MAGI2: variants seen among roughly 807,000 people sequenced by gnomAD.
MAGI2 encodes the protein membrane-associated guanylate kinase, WW and PDZ domain-containing protein 2.
A neutral mutation model predicts 133.3 loss-of-function variants in MAGI2; 35 were observed. The ratio of observed to expected loss-of-function variants is 0.26; its 90% CI spans 0.20 to 0.35. The LOEUF is 0.35. Among genes scored for constraint, MAGI2 ranks in the 10% least tolerant of loss-of-function variants. The probability of loss-of-function intolerance (pLI) is 1.00; values close to 1 mark genes in which losing one functional copy is unlikely to be tolerated. For missense variants in MAGI2, 1,636 were observed against 1,863.4 expected, an observed-to-expected ratio of 0.88 and a Z score of 2.25; for synonymous variants, 729 against 710.6, an observed-to-expected ratio of 1.03 and a Z score of -0.41.
At chr7:78,154,527 T>C (rs1000281636) in intron 16 of MAGI2, among the ~76,000 whole-genome samples, 3 of 152,350 alleles carry the variant, frequency 2.0e-5, no homozygotes, top group South Asian at 2.1e-4. Flanking sequence ...ATTGATGCTA[T>C]GACCACTGTC....
Position 78,075,149 on chromosome 7 carries a change from G to A in MAGI2, c.3706+3798C>T, listed in dbSNP as rs537243494. Among the ~76,000 whole-genome samples, 78 of 152,292 alleles carry A rather than the reference G, an allele frequency of 5.1e-4. No individual in the cohort carries two copies. The South Asian group carries it at 0.016, about 31-fold the overall frequency. The stretch of plus-strand genomic sequence containing the variant: ...CTGGGCAGAGGGTCCCTGCATCACC[G>A]GCTCTAGTGAAAACCTTGGGCACTG... On this transcript the variant is annotated intron_variant, in intron 21 of 21. Coordinates refer to ENST00000354212, the MANE Select transcript of MAGI2 (RefSeq NM_012301.4).
intron 2 of MAGI2, among the ~76,000 whole-genome samples, chr7:78,888,544 G>A (rs148178157): frequency 0.027 from 4,079 of 152,226 alleles, 77 homozygotes; most frequent in Middle Eastern, 0.051. Flanking sequence ...CCAGAGGAAC[G>A]ATCAGACAGC....
At chr7:78,943,731 G>A (rs1341176307) in intron 2 of MAGI2, among the ~76,000 whole-genome samples, 1 of 152,028 alleles carries the variant, frequency 6.6e-6, no homozygotes, top group Non-Finnish European at 1.5e-5. Flanking sequence ...GTAGCATTTT[G>A]TTGCCTCGGT....
intron 2 of MAGI2, among the ~76,000 whole-genome samples, chr7:78,678,342 C>T (rs1022061843): frequency 1.3e-5 from 2 of 152,106 alleles, no homozygotes; most frequent in Non-Finnish European, 2.9e-5. Context: ...GGCTCATCAT[C>T]CTTTAACCAG....
chr7:78,924,751 A>G (rs1465088738), intron 2 of MAGI2, among the ~76,000 whole-genome samples: 2 of 151,974 alleles, frequency 1.3e-5, no homozygotes, highest in Non-Finnish European at 2.9e-5. Flanking sequence ...ATCAGTGCCT[A>G]TTGCCCAGGA....
At chr7:78,690,309 A>G (rs1816820993) in intron 2 of MAGI2, among the ~76,000 whole-genome samples, 1 of 152,216 alleles carries the variant, frequency 6.6e-6, no homozygotes. Flanking sequence ...GTACATGTAA[A>G]TCACAGAGCA....
intron 21 of MAGI2, among the ~76,000 whole-genome samples, chr7:78,058,478 C>CTTTTTTT (rs61113351): frequency 6.8e-6 from 1 of 146,800 alleles, no homozygotes; most frequent in Non-Finnish European, 1.5e-5. Flanking sequence ...CTTAAAATTC[C>CTTTTTTT]TTTTTTTTTT....
At chr7:78,373,812 A>G (rs1448114736) in intron 6 of MAGI2, among the ~76,000 whole-genome samples, 2 of 152,080 alleles carry the variant, frequency 1.3e-5, no homozygotes, top group Non-Finnish European at 2.9e-5. Flanking sequence ...ATGAATATCC[A>G]GTGTTTAGCT....
intron 20 of MAGI2, among the ~76,000 whole-genome samples, chr7:78,100,052 T>G (rs1032507752): frequency 2.0e-5 from 3 of 152,196 alleles, no homozygotes; most frequent in African/African-American, 7.2e-5. Context: ...ACTAGAGGCC[T>G]CTAATTCACC....
chr7:78,829,580 T>C (rs559067879), intron 2 of MAGI2, among the ~76,000 whole-genome samples: 2 of 152,202 alleles, frequency 1.3e-5, no homozygotes, highest in East Asian at 3.9e-4. Flanking sequence ...CTGACACTTA[T>C]CAAAAAGCCT....
intron 3 of MAGI2, among the ~76,000 whole-genome samples, chr7:78,603,361 T>C (rs1164110304): frequency 6.6e-6 from 1 of 152,220 alleles, no homozygotes; most frequent in African/African-American, 2.4e-5. Flanking sequence ...CTCTGTTAGA[T>C]GACTATCCTG....
At chr7:78,557,324 C>G (rs1422028156) in intron 3 of MAGI2, among the ~76,000 whole-genome samples, 1 of 152,076 alleles carries the variant, frequency 6.6e-6, no homozygotes, top group Non-Finnish European at 1.5e-5. Flanking sequence ...TGGAAGCCCC[C>G]CAAAGGAGCC....
intron 1 of MAGI2, among the ~76,000 whole-genome samples, chr7:79,131,888 AT>A: frequency 6.6e-6 from 1 of 152,144 alleles, no homozygotes; most frequent in South Asian, 2.1e-4. Context: ...AAATAAAAAA[AT>A]TGATTACAGG....
At chr7:79,404,815 C>T (rs1845697196) in intron 1 of MAGI2, among the ~76,000 whole-genome samples, 1 of 152,112 alleles carries the variant, frequency 6.6e-6, no homozygotes, top group South Asian at 2.1e-4. Flanking sequence ...GTCTAATTAA[C>T]CTGGGCATTA....
chr7:78,834,417 C>A (rs1024584282), intron 2 of MAGI2, among the ~76,000 whole-genome samples: 1 of 152,284 alleles, frequency 6.6e-6, no homozygotes, highest in East Asian at 1.9e-4. Context: ...ATAGAGCTAC[C>A]TTTCCTATAA....
chr7:78,129,935 CAAAAAA>C (rs61675652), intron 18 of MAGI2, among the ~76,000 whole-genome samples: 863 of 57,160 alleles, frequency 0.015, 6 homozygotes, highest in African/African-American at 0.058. Context: ...AACTCCGCCT[CAAAAAA>C]AAAAAAAAAA....
At position 78,646,405 on chromosome 7, in the gene MAGI2, T is replaced by G. The variant is rs909781945; in HGVS notation, c.419-19166A>C. ...GCTTTAAAGCAAGAAAAAATTGTAT[T>G]TAGGAATATAGGAATTTTGTAAGTG... is the stretch of plus-strand genomic sequence containing the variant. On this transcript the variant is annotated intron_variant, in intron 2 of 21. Coordinates refer to ENST00000354212, the MANE Select transcript of MAGI2 (RefSeq NM_012301.4). Among the ~76,000 whole-genome samples, 4 of 152,132 alleles carry G rather than the reference T, an allele frequency of 2.6e-5. No homozygotes were observed. In the South Asian group the frequency reaches 8.3e-4, roughly 32 times the overall value.
intron 1 of MAGI2, among the ~76,000 whole-genome samples, chr7:79,215,746 A>G (rs1585225538): frequency 6.6e-6 from 1 of 151,942 alleles, no homozygotes; most frequent in East Asian, 1.9e-4. Flanking sequence ...TCCCCCTAAA[A>G]TGTATAAAAT....
intron 6 of MAGI2, among the ~76,000 whole-genome samples, chr7:78,448,251 T>G (rs1434853101): frequency 2.0e-5 from 3 of 152,070 alleles, no homozygotes; most frequent in African/African-American, 7.2e-5. Flanking sequence ...AATGCAAAGT[T>G]TTTTTGACAA....
Sources: gnomAD v4.1 joint callset for allele counts (sites outside exome capture counted in the v4.1 genomes callset) on GRCh38, gnomAD v4.1.1 for gene constraint, MANE v1.5 for transcripts, NCBI Gene and HGNC (gene_info 2026-07-23, HGNC 2026-07-21) for gene names.